The following BUB1B variants were observed in gnomAD, a reference collection of about 807,000 sequenced individuals.
The protein encoded by BUB1B is mitotic checkpoint serine/threonine-protein kinase BUB1 beta.
Under a neutral mutation model 137.7 loss-of-function variants are expected in BUB1B, and 86 were observed. The observed-to-expected ratio is 0.62, with a 90% confidence interval of 0.52 to 0.75. BUB1B has a LOEUF of 0.75. Among genes scored for constraint, BUB1B ranks in the 30% least tolerant of loss-of-function variants. The pLI is 0.00. For missense variants in BUB1B, 1,130 were observed against 1,236.9 expected, an observed-to-expected ratio of 0.91 and a Z score of 1.30; for synonymous variants, 420 against 417.9, an observed-to-expected ratio of 1.00 and a Z score of -0.06.
chr15:40,176,232 C>T (rs1414011154), intron 4 of BUB1B, among the ~76,000 whole-genome samples: 2 of 152,324 alleles, frequency 1.3e-5, no homozygotes, highest in Non-Finnish European at 2.9e-5. Flanking sequence ...GCTGTAATTA[C>T]AGGCAGAAGC....
intron 9 of BUB1B, among the ~76,000 whole-genome samples, chr15:40,198,947 G>T (rs2037531249): frequency 1.3e-5 from 2 of 152,136 alleles, no homozygotes; most frequent in African/African-American, 2.4e-5. Context: ...ACTCCATGTG[G>T]CTTAGCCTTT....
Position 40,185,276 on chromosome 15 carries a change from C to T in BUB1B, c.863C>T (p.Ser288Phe). The T allele has an allele frequency of 6.2e-7, 1 of 1,614,140 alleles. No homozygotes were observed. The stretch of plus-strand genomic sequence containing the variant: ...GATGAGGCTTCTACAGCAGAGTTGT[C>T]TAAGCCTACAGTCCAGCCATGGATA... ...NADEASTAEL[S>F]KPTVQPWIAP... Residue 288 changes from serine (S) to phenylalanine (F), a missense_variant, in exon 7 of 23, where the codon TCT becomes TTT. Ser to Phe is a radical substitution (Grantham distance 155, BLOSUM62 -2). Transcript: ENST00000287598.
intron 18 of BUB1B, among the ~76,000 whole-genome samples, chr15:40,212,111 AG>A (rs1182900986): frequency 1.3e-5 from 2 of 152,256 alleles, no homozygotes; most frequent in African/African-American, 4.8e-5. Flanking sequence ...CTGGGATTAC[AG>A]GCATGAGCCA....
At chr15:40,202,557 A>C (rs1267018770) in intron 13 of BUB1B, 32 bp from the exon 14 acceptor site, 2 of 1,607,498 alleles carry the variant, frequency 1.2e-6, no homozygotes, top group East Asian at 4.5e-5. Context: ...TGTTATGAAA[A>C]AAATTGCTAA....
chr15:40,181,780 A>G (rs1164561513), intron 5 of BUB1B, among the ~76,000 whole-genome samples: 1 of 151,966 alleles, frequency 6.6e-6, no homozygotes, highest in Non-Finnish European at 1.5e-5. Context: ...CAGATACTGT[A>G]TTTTTCAATT....
chr15:40,220,170 A>G (rs1014156143), intron 22 of BUB1B, among the ~76,000 whole-genome samples: 7 of 152,242 alleles, frequency 4.6e-5, no homozygotes, highest in Non-Finnish European at 1.0e-4. Flanking sequence ...TTATCAGAGA[A>G]TTGTAAAGAA....
chr15:40,161,300 C>A (rs767452196), intron 1 of BUB1B, 45 bp downstream of exon 1: 15 of 1,593,438 alleles, frequency 9.4e-6, no homozygotes, highest in Non-Finnish European at 1.3e-5. Context: ...TGAGAGGACA[C>A]GGCCTGGTAG....
rs748758973 is a variant in BUB1B, at chr15:40,212,667, A to G, written c.2535+19A>G. On this transcript the variant is annotated intron_variant, in intron 19 of 22. Coordinates refer to ENST00000287598, the MANE Select transcript of BUB1B (RefSeq NM_001211.6). ...CCTTCAGGTCTGTAATACTAAAAAC[A>G]TAATTTAAAGTCCTGAAGTAGAGAG... 3.9e-5 allele frequency: 63 copies of G among 1,608,858 alleles called. No homozygotes were observed. Among genetic ancestry groups the G allele is most frequent in the East Asian group, 1.3e-4 (6 of 44,786 alleles).
chr15:40,191,965 A>G (rs2037443919), intron 8 of BUB1B, among the ~76,000 whole-genome samples: 1 of 152,004 alleles, frequency 6.6e-6, no homozygotes, highest in African/African-American at 2.4e-5. Flanking sequence ...GATTGTTTTG[A>G]CTATTCTGAT....
In BUB1B at chr15:40,196,478, C is replaced by A. The variant is rs1316251943; in HGVS notation, c.1059-67C>A. 5.7e-6 allele frequency: 8 copies of A among 1,395,190 alleles called. No homozygotes were observed. The Admixed American group carries it at 1.1e-4, about 19-fold the overall frequency. 86.4% of individuals were successfully genotyped at this position (1,395,190 alleles called of 1,614,324 possible). On this transcript the variant is annotated intron_variant, in intron 8 of 22. Transcript: ENST00000287598. ...GGCCCTTGTAAATTATTTTTAGCTTCTTTTATCAATCTTATTGATTTTTTT... is the reference window on the plus strand; with the variant it reads ...GGCCCTTGTAAATTATTTTTAGCTTATTTTATCAATCTTATTGATTTTTTT...
At chr15:40,199,525 T>G in intron 9 of BUB1B, 90 bp from the exon 10 acceptor site, 1 of 905,514 alleles carries the variant, frequency 1.1e-6, no homozygotes, top group Non-Finnish European at 1.8e-6. Flanking sequence ...ATTAGTAACA[T>G]ATATGTTGAG....
At chr15:40,164,666 T>TC (rs2037074301) in intron 1 of BUB1B, among the ~76,000 whole-genome samples, 1 of 151,086 alleles carries the variant, frequency 6.6e-6, no homozygotes, top group African/African-American at 2.4e-5. Flanking sequence ...ATTTTTCTTT[T>TC]TTTTTTTTTT....
chr15:40,176,304 G>A (rs915038078), intron 4 of BUB1B, among the ~76,000 whole-genome samples, 173 bp from the exon 5 acceptor site: 2 of 151,928 alleles, frequency 1.3e-5, no homozygotes, highest in East Asian at 3.9e-4. Flanking sequence ...CTTACAAATC[G>A]CTCAGTTTTG....
chr15:40,206,124 T>TA, intron 14 of BUB1B, 60 bp from the exon 15 acceptor site: 1 of 1,569,076 alleles, frequency 6.4e-7, no homozygotes, highest in South Asian at 1.1e-5. Context: ...TCTCTCTCAG[T>TA]AAAAAAGTTC....
intron 14 of BUB1B, 54 bp from the exon 15 acceptor site, chr15:40,206,130 A>T: frequency 6.3e-7 from 1 of 1,586,438 alleles, no homozygotes; most frequent in Non-Finnish European, 8.6e-7. Context: ...TCAGTAAAAA[A>T]GTTCTTCATG....
At chr15:40,169,863 T>G (rs1431051609) in intron 2 of BUB1B, among the ~76,000 whole-genome samples, 199 bp from the exon 3 acceptor site, 1 of 152,136 alleles carries the variant, frequency 6.6e-6, no homozygotes, top group African/African-American at 2.4e-5. Context: ...TCCACCCCAC[T>G]TGGCCTCCCA....
chr15:40,170,656 G>T lies in BUB1B; in HGVS notation c.359G>T (p.Arg120Leu). Residue 120 changes from arginine to leucine, a missense_variant, in exon 4 of 23, where the codon CGA (arginine) becomes CTA (leucine). Physicochemically the swap from Arg to Leu is moderately radical, Grantham distance 102. Coordinates refer to ENST00000287598, the MANE Select transcript of BUB1B (RefSeq NM_001211.6). ...GAAAAACGATATTATAGTGATCCTC[G>T]ATTTCTCAATCTCTGGCTTAAATTA... ...QGEKRYYSDP[R>L]FLNLWLKLGR... 1.9e-6 allele frequency: 3 copies of T among 1,613,576 alleles called. 1 individual carries two copies. The highest frequency in any genetic ancestry group is 1.1e-5 in the South Asian group (1 of 91,046).
In BUB1B at chr15:40,212,550, G is replaced by C. The variant is rs2037727422; in HGVS notation, c.2437G>C (p.Glu813Gln). The C allele has an allele frequency of 6.2e-7, 1 of 1,613,034 alleles. No homozygotes were observed. The highest frequency in any genetic ancestry group is 8.5e-7 in the Non-Finnish European group (1 of 1,179,228). ...WDFYINLKLK[E>Q]RLNEDFDHFC... is the part of the protein sequence containing the mutation. Reference sequence around the variant, plus strand: ...CTTTTATATCAACCTCAAGTTAAAGGAACGTTTAAATGAAGATTTTGATCA... The same window carrying C: ...CTTTTATATCAACCTCAAGTTAAAGCAACGTTTAAATGAAGATTTTGATCA... The change falls in exon 19 of 23, where the codon GAA (glutamate) becomes CAA (glutamine). Residue 813 changes from glutamate to glutamine, a missense_variant. Transcript: ENST00000287598.
At chr15:40,203,034 A>T (rs1161046327) in intron 14 of BUB1B, among the ~76,000 whole-genome samples, 8 of 152,206 alleles carry the variant, frequency 5.3e-5, no homozygotes, top group Admixed American at 1.3e-4. Context: ...TTACCATATG[A>T]TCCTGCAGAT....
Sources: gnomAD v4.1 joint callset for allele counts (sites outside exome capture counted in the v4.1 genomes callset) on GRCh38, gnomAD v4.1.1 for gene constraint, MANE v1.5 for transcripts, NCBI Gene and HGNC (gene_info 2026-07-23, HGNC 2026-07-21) for gene names.